The following PLPPR4 variants were observed in gnomAD, a reference collection of about 807,000 sequenced individuals.
The protein encoded by PLPPR4 is phospholipid phosphatase related 4, also known as phospholipid phosphatase-related protein type 4.
In PLPPR4, 24 loss-of-function variants were observed where a neutral mutation model predicts 56.6. The ratio of observed to expected loss-of-function variants is 0.42; its 90% CI spans 0.31 to 0.60. The LOEUF (loss-of-function observed/expected upper bound fraction) is 0.60. PLPPR4 is among the 20% of genes least tolerant of loss of function. The pLI is 0.13. For missense variants in PLPPR4, 654 were observed against 885.8 expected (o/e 0.74, Z 3.32); for synonymous variants, 326 against 328.1 (o/e 0.99, Z 0.07).
chr1:99,287,763 T>C (rs1659504401), intron 1 of PLPPR4, among the ~76,000 whole-genome samples: 1 of 151,810 alleles, frequency 6.6e-6, no homozygotes, highest in Non-Finnish European at 1.5e-5. Context: ...AAGGTTGGGG[T>C]CAACATAGAT....
intron 2 of PLPPR4, among the ~76,000 whole-genome samples, chr1:99,295,813 A>G (rs774277725): frequency 6.6e-6 from 1 of 152,170 alleles, no homozygotes; most frequent in Non-Finnish European, 1.5e-5. Flanking sequence ...GGTGAAAGGT[A>G]AATAAGAAAT....
chr1:99,287,249 G>GGT (rs780058729), intron 1 of PLPPR4, among the ~76,000 whole-genome samples: 3 of 123,018 alleles, frequency 2.4e-5, no homozygotes, highest in Middle Eastern at 3.8e-3. Context: ...AGTATTCCAT[G>GGT]GTGTATATAT....
chr1:99,298,819 G>T, intron 3 of PLPPR4: 2 of 637,432 alleles, frequency 3.1e-6, no homozygotes, highest in Middle Eastern at 4.2e-4. Context: ...TAACAAAAGT[G>T]CCTAAAGTTA....
At chr1:99,280,673 G>A (rs1311594361) in intron 1 of PLPPR4, among the ~76,000 whole-genome samples, 2 of 152,208 alleles carry the variant, frequency 1.3e-5, no homozygotes, top group Non-Finnish European at 2.9e-5. Flanking sequence ...AGAGCCTGGA[G>A]AAGGTTTCAG....
At chr1:99,271,443 G>A (rs911775095) in intron 1 of PLPPR4, among the ~76,000 whole-genome samples, 1 of 152,148 alleles carries the variant, frequency 6.6e-6, no homozygotes. Context: ...TAGTGATGAA[G>A]TGCAATGGAG....
At chr1:99,288,809 C>T (rs146904232) in intron 2 of PLPPR4, among the ~76,000 whole-genome samples, 5 of 151,980 alleles carry the variant, frequency 3.3e-5, no homozygotes, top group East Asian at 1.9e-4. Flanking sequence ...TATAAGATGA[C>T]GAATATCCTA....
At chr1:99,305,387 T>C (rs1334662470) in intron 6 of PLPPR4, among the ~76,000 whole-genome samples, 1 of 152,180 alleles carries the variant, frequency 6.6e-6, no homozygotes, top group African/African-American at 2.4e-5. Flanking sequence ...AAAAAGTCCT[T>C]ATTTCTCTCT....
chr1:99,264,369 C>A, upstream of PLPPR4: 2 of 1,209,396 alleles, frequency 1.7e-6, no homozygotes, highest in Non-Finnish European at 2.2e-6. Context: ...AGGAGCCAGA[C>A]TAGGGGAGGA....
At chr1:99,284,318 T>C (rs1659411364) in intron 1 of PLPPR4, among the ~76,000 whole-genome samples, 1 of 152,178 alleles carries the variant, frequency 6.6e-6, no homozygotes. Context: ...GGGAACACCA[T>C]GTATAAAATT....
chr1:99,268,457 C>T (rs977238772), intron 1 of PLPPR4, among the ~76,000 whole-genome samples: 4 of 152,236 alleles, frequency 2.6e-5, no homozygotes, highest in African/African-American at 9.6e-5. Context: ...TGTTGGTGTT[C>T]AGCCACTAAA....
chr1:99,290,390 G>T (rs759835978), intron 2 of PLPPR4, among the ~76,000 whole-genome samples: 1 of 152,138 alleles, frequency 6.6e-6, no homozygotes. Context: ...TATATTCAAT[G>T]CTATTCCCAT....
In PLPPR4 at chr1:99,306,744, C is replaced by G; in HGVS notation, c.1882C>G (p.Leu628Val). The G allele has an allele frequency of 3.1e-6, 5 of 1,614,002 alleles. No homozygotes were observed. The highest frequency in any genetic ancestry group is 1.3e-5 in the African/African-American group (1 of 75,040). Reference protein sequence around the residue: ...LNRDSESCESLKDSFGSGDRK... With the variant: ...LNRDSESCESVKDSFGSGDRK... Reference sequence around the variant, plus strand: ...CAGGGACTCAGAAAGCTGTGAGTCTCTGAAAGACAGCTTTGGTTCTGGAGA... The same window carrying G: ...CAGGGACTCAGAAAGCTGTGAGTCTGTGAAAGACAGCTTTGGTTCTGGAGA... Residue 628 changes from leucine (L) to valine (V), a missense_variant, in exon 7 of 7, where the codon CTG becomes GTG. Physicochemically the swap from Leu to Val is conservative, Grantham distance 32. Around this residue, in one of 2 missense-constraint regions of PLPPR4, gnomAD observed 468 missense variants for 554.3 expected, o/e 0.84. Coordinates refer to ENST00000370185, the MANE Select transcript of PLPPR4 (RefSeq NM_014839.5). This position sits in a 1 kb window ranked among gnomAD's most constrained non-coding sequence, Gnocchi z 4.0.
chr1:99,264,560 C>CG lies in PLPPR4; in HGVS notation c.-29dup. On this transcript the variant is annotated 5_prime_UTR_variant, in exon 1 of 7. Transcript: ENST00000370185. ...TCAGCTGCGCTGTGCACACCTCGCCCGGGGGAGGACGCAGACCCGGGCAGG... is the reference window on the plus strand; with the variant it reads ...TCAGCTGCGCTGTGCACACCTCGCCCGGGGGGAGGACGCAGACCCGGGCAGG... The CG allele has an allele frequency of 6.4e-7, 1 of 1,550,912 alleles. No individual in the cohort carries two copies. The highest frequency in any genetic ancestry group is 8.7e-7 in the Non-Finnish European group (1 of 1,147,100).
intron 1 of PLPPR4, among the ~76,000 whole-genome samples, chr1:99,277,916 A>C (rs939650137): frequency 6.6e-6 from 1 of 152,176 alleles, no homozygotes; most frequent in African/African-American, 2.4e-5. Flanking sequence ...CATTATTACA[A>C]GGTGAACATC....
intron 1 of PLPPR4, among the ~76,000 whole-genome samples, chr1:99,271,777 A>G (rs1222351437): frequency 6.6e-6 from 1 of 152,078 alleles, no homozygotes; most frequent in African/African-American, 2.4e-5. Flanking sequence ...TTAGGAGAGT[A>G]GAATATGTAG....
chr1:99,300,021 GAATA>G (rs1186518823), intron 4 of PLPPR4, among the ~76,000 whole-genome samples: 1 of 151,950 alleles, frequency 6.6e-6, no homozygotes, highest in African/African-American at 2.4e-5. Flanking sequence ...AGGTACACCT[GAATA>G]ATTAAAGCCT....
chr1:99,282,564 A>C (rs76901588), intron 1 of PLPPR4, among the ~76,000 whole-genome samples: 74 of 152,254 alleles, frequency 4.9e-4, no homozygotes, highest in African/African-American at 1.8e-3. Flanking sequence ...ACCCACCATG[A>C]TCATCCTCAA....
intron 1 of PLPPR4, among the ~76,000 whole-genome samples, chr1:99,284,850 G>T (rs1659422906): frequency 6.6e-6 from 1 of 152,060 alleles, no homozygotes; most frequent in South Asian, 2.1e-4. Context: ...TGTATCAGTG[G>T]CAACATAGAA....
intron 1 of PLPPR4, among the ~76,000 whole-genome samples, chr1:99,272,121 G>A (rs1451037238): frequency 6.6e-6 from 1 of 152,116 alleles, no homozygotes; most frequent in Non-Finnish European, 1.5e-5. Flanking sequence ...TACAGCATAG[G>A]CTATTTCTCA....
Sources: allele counts gnomAD v4.1 joint callset (sites outside exome capture counted in the v4.1 genomes callset), GRCh38; gene constraint gnomAD v4.1.1; regional missense constraint gnomAD v4.1.1; non-coding constraint Gnocchi (gnomAD v3.1); transcripts MANE v1.5; gene names NCBI Gene and HGNC (gene_info 2026-07-23, HGNC 2026-07-21).